Variants in RNF175 observed in about 807,000 individuals in gnomAD.
The protein encoded by RNF175 is ring finger protein 175.
In RNF175, 38 loss-of-function variants were observed where a neutral mutation model predicts 50.0. That is an observed-to-expected ratio of 0.76 (90% CI 0.59 to 1.00). The LOEUF (loss-of-function observed/expected upper bound fraction) is 1.00, where lower values mean the gene tolerates loss of function less well. RNF175 is among the 50% of genes least tolerant of loss of function. The pLI is 0.00. For synonymous variants in RNF175, 155 were observed against 146.1 expected, an observed-to-expected ratio of 1.06 and a Z score of -0.44; for missense variants, 388 against 409.6, an observed-to-expected ratio of 0.95 and a Z score of 0.46.
At chr4:153,725,270 G>A (rs112328009) in intron 4 of RNF175, among the ~76,000 whole-genome samples, 4,382 of 152,284 alleles carry the variant, frequency 0.029, 213 homozygotes, top group African/African-American at 0.098. Flanking sequence ...TGACTCTTGA[G>A]CCATGGGTTC....
At chr4:153,729,032 G>A (rs1214213109) in intron 3 of RNF175, among the ~76,000 whole-genome samples, 2 of 152,164 alleles carry the variant, frequency 1.3e-5, no homozygotes, top group African/African-American at 4.8e-5. Context: ...ATAGGTCAGG[G>A]AGCAGGGCAG....
At chr4:153,745,581 A>G (rs921001169) in intron 3 of RNF175, 22 of 152,260 alleles carry the variant, frequency 1.4e-4, no homozygotes, top group African/African-American at 5.3e-4. Context: ...ATGAAACAAC[A>G]TTAGACAGTG....
intron 1 of RNF175, among the ~76,000 whole-genome samples, chr4:153,752,756 A>G (rs1740355855): frequency 6.6e-6 from 1 of 152,208 alleles, no homozygotes; most frequent in African/African-American, 2.4e-5. Context: ...GGGAAAGCAT[A>G]ACATATGTGA....
intron 3 of RNF175, among the ~76,000 whole-genome samples, chr4:153,728,818 T>C (rs1386500979): frequency 1.3e-5 from 2 of 152,206 alleles, no homozygotes; most frequent in African/African-American, 4.8e-5. Context: ...GTTACTGTCA[T>C]GTATCCATAC....
At chr4:153,718,717 C>T (rs926731867) in intron 6 of RNF175, among the ~76,000 whole-genome samples, 1 of 152,170 alleles carries the variant, frequency 6.6e-6, no homozygotes, top group Non-Finnish European at 1.5e-5. Flanking sequence ...AATAAAAATA[C>T]TCCTTCCTGT....
Position 153,720,190 on chromosome 4 carries a change from A to G in RNF175, c.624T>C (p.Thr208=). The change falls in exon 6 of 9, where the codon ACT becomes ACC. Residue 208 remains threonine (T), a synonymous_variant. Coordinates refer to ENST00000347063, the MANE Select transcript of RNF175 (RefSeq NM_173662.4). The stretch of plus-strand genomic sequence containing the variant: ...AAATGAAAGCAACACTTACCCCTAT[A>G]GTGGAAGCCATGTAGTCTGAGCAGA... ...AEICSDYMAS[T]IGFYSVSRLP... is the part of the protein sequence containing the mutation. 6.2e-7 allele frequency: 1 copy of G among 1,613,794 alleles called. No individual in the cohort carries two copies. Among genetic ancestry groups the G allele is most frequent in the South Asian group, 1.1e-5 (1 of 91,080 alleles).
intron 5 of RNF175, among the ~76,000 whole-genome samples, chr4:153,720,825 G>GTTAAAAAT (rs1738293021): frequency 6.6e-6 from 1 of 152,232 alleles, no homozygotes; most frequent in African/African-American, 2.4e-5. Flanking sequence ...TTTTTAAAGA[G>GTTAAAAAT]CTTGTTAAGT....
chr4:153,711,347 G>A (rs1186231219), intron 8 of RNF175, among the ~76,000 whole-genome samples: 1 of 151,860 alleles, frequency 6.6e-6, no homozygotes, highest in Non-Finnish European at 1.5e-5. Context: ...AGAAAGGCCA[G>A]GTCTGTGGAT....
intron 5 of RNF175, among the ~76,000 whole-genome samples, chr4:153,720,935 T>G (rs1738299280): frequency 6.6e-6 from 1 of 152,238 alleles, no homozygotes; most frequent in African/African-American, 2.4e-5. Flanking sequence ...GTGCTTGAGA[T>G]AGATATTATC....
chr4:153,728,237 G>A lies in RNF175; in HGVS notation c.371C>T (p.Thr124Ile), dbSNP rs1738823400. 1.2e-6 allele frequency: 2 copies of A among 1,613,258 alleles called. No homozygotes were observed. The highest frequency in any genetic ancestry group is 2.7e-5 in the African/African-American group (2 of 74,918). Residue 124 changes from threonine (T) to isoleucine (I), a missense_variant, in exon 4 of 9, where the codon ACC (threonine) becomes ATC (isoleucine). Thr to Ile is a moderately conservative substitution (Grantham distance 89, BLOSUM62 -1). Coordinates refer to ENST00000347063, the MANE Select transcript of RNF175 (RefSeq NM_173662.4). ...VITSYILFRA[T>I]RKPLSGRTPR... ...TGTCCTTCCTGAGAGGGGTTTTCGGGTAGCTCTGAAGAGGATGTAACTGGT... is the reference window on the plus strand; with the variant it reads ...TGTCCTTCCTGAGAGGGGTTTTCGGATAGCTCTGAAGAGGATGTAACTGGT...
intron 2 of RNF175, among the ~76,000 whole-genome samples, chr4:153,750,673 A>G (rs74969951): frequency 9.5e-6 from 1 of 105,250 alleles, no homozygotes; most frequent in African/African-American, 3.4e-5. Flanking sequence ...AACAAGCAAA[A>G]AAACAAACTT....
intron 3 of RNF175, among the ~76,000 whole-genome samples, chr4:153,748,024 A>C (rs1740071554): frequency 6.6e-6 from 1 of 152,202 alleles, no homozygotes; most frequent in Admixed American, 6.5e-5. Context: ...ATGGGTCCAC[A>C]TTCATGTTTT....
chr4:153,723,350 C>T lies in RNF175; in HGVS notation c.509+1G>A. 1.4e-6 allele frequency: 2 copies of T among 1,469,990 alleles called. No homozygotes were observed. The highest frequency in any genetic ancestry group is 1.7e-5 in the Admixed American group (1 of 59,102). The allele number at this position is 1,469,990 out of a possible 1,614,324, so 91.1% of individuals were successfully genotyped here. ...TTAATGTCTTAATTGGAGATACTTA[C>T]TTGAAAAACAGATTGAATCCACACA... is the stretch of plus-strand genomic sequence containing the variant. On this transcript the variant is annotated splice_donor_variant, in intron 5 of 8. Transcript: ENST00000347063. LOFTEE classifies it high-confidence loss of function.
At chr4:153,747,386 G>C (rs1490681231) in intron 3 of RNF175, among the ~76,000 whole-genome samples, 2 of 152,110 alleles carry the variant, frequency 1.3e-5, no homozygotes, top group African/African-American at 4.8e-5. Flanking sequence ...ATATTGCTTA[G>C]AAATTTCTTT....
At chr4:153,756,505 C>T (rs1219993707) in intron 1 of RNF175, among the ~76,000 whole-genome samples, 1 of 152,172 alleles carries the variant, frequency 6.6e-6, no homozygotes, top group Non-Finnish European at 1.5e-5. Context: ...CCCTAACCAA[C>T]CCTGTACCTC....
At chr4:153,753,071 G>T (rs115741866) in intron 1 of RNF175, among the ~76,000 whole-genome samples, 2,185 of 152,256 alleles carry the variant, frequency 0.014, 64 homozygotes, top group African/African-American at 0.049. Context: ...AATGAGAGAG[G>T]AGTCCAGAGC....
intron 3 of RNF175, among the ~76,000 whole-genome samples, chr4:153,732,633 A>G (rs1739106845): frequency 6.6e-6 from 1 of 152,214 alleles, no homozygotes; most frequent in African/African-American, 2.4e-5. Context: ...CTGGGCATGT[A>G]GTCATCAGGC....
chr4:153,730,672 C>A (rs955191201), intron 3 of RNF175, among the ~76,000 whole-genome samples: 2 of 152,056 alleles, frequency 1.3e-5, no homozygotes, highest in Admixed American at 1.3e-4. Context: ...TTTATTTCCC[C>A]ATAAAATACT....
At chr4:153,733,910 C>G (rs1739187140) in intron 3 of RNF175, among the ~76,000 whole-genome samples, 1 of 152,180 alleles carries the variant, frequency 6.6e-6, no homozygotes, top group Non-Finnish European at 1.5e-5. Flanking sequence ...TTTGCTGTCT[C>G]TATAGTTTTG....
Sources: allele counts gnomAD v4.1 joint callset (sites outside exome capture counted in the v4.1 genomes callset), GRCh38; gene constraint gnomAD v4.1.1; transcripts MANE v1.5; gene names NCBI Gene and HGNC (gene_info 2026-07-23, HGNC 2026-07-21).